Variants in OPRD1 observed in about 807,000 individuals in gnomAD.
The protein encoded by OPRD1 is delta-type opioid receptor.
In OPRD1, 19 loss-of-function variants were observed where a neutral mutation model predicts 17.5. That is an observed-to-expected ratio of 1.09 (90% CI 0.76 to 1.60). The LOEUF (loss-of-function observed/expected upper bound fraction) is 1.60, where lower values mean the gene tolerates loss of function less well. OPRD1 is among the 40% of genes most tolerant of loss of function. OPRD1 has a pLI of 0.00. For missense variants in OPRD1, 483 were observed against 547.2 expected, an observed-to-expected ratio of 0.88 and a Z score of 1.17; for synonymous variants, 256 against 240.9, an observed-to-expected ratio of 1.06 and a Z score of -0.58.
At chr1:28,816,758 A>G (rs2088674058) in intron 1 of OPRD1, among the ~76,000 whole-genome samples, 1 of 152,068 alleles carries the variant, frequency 6.6e-6, no homozygotes, top group Admixed American at 6.5e-5. Flanking sequence ...CTCAGAGCAG[A>G]CACCGGACAA....
chr1:28,813,279 G>A (rs1311881441), intron 1 of OPRD1, among the ~76,000 whole-genome samples: 1 of 152,198 alleles, frequency 6.6e-6, no homozygotes, highest in Non-Finnish European at 1.5e-5. Context: ...GTGTGCCTTT[G>A]CCAGTGATTC....
intron 1 of OPRD1, among the ~76,000 whole-genome samples, chr1:28,835,881 T>G (rs761649351): frequency 6.6e-6 from 1 of 152,336 alleles, no homozygotes; most frequent in East Asian, 1.9e-4. Flanking sequence ...TTCATCCCTC[T>G]GAGCCTCAAC....
rs143215548 is a variant in OPRD1, at chr1:28,851,727, C to A, written c.228-7227C>A. Among the ~76,000 whole-genome samples the A allele has an allele frequency of 5.1e-3, 770 of 151,994 alleles. 9 individuals carry two copies. Among genetic ancestry groups the A allele is most frequent in the African/African-American group, 0.017 (707 of 41,464 alleles). On this transcript the variant is annotated intron_variant, in intron 1 of 2. Coordinates refer to ENST00000234961, the MANE Select transcript of OPRD1 (RefSeq NM_000911.4). ...TCTCTACTAAAAATACAAAATTAGC[C>A]GGGCGTGGTGGCTCATGCCTGTAAT... is the stretch of plus-strand genomic sequence containing the variant.
At chr1:28,835,397 C>A (rs774794696) in intron 1 of OPRD1, among the ~76,000 whole-genome samples, 1 of 152,220 alleles carries the variant, frequency 6.6e-6, no homozygotes. Context: ...TTTCTCTGTT[C>A]CAGCCTTTAA....
chr1:28,825,823 G>A (rs1189328699), intron 1 of OPRD1, among the ~76,000 whole-genome samples: 1 of 152,262 alleles, frequency 6.6e-6, no homozygotes, highest in African/African-American at 2.4e-5. Context: ...GTGGACTAGG[G>A]TTCAAATCCA....
At position 28,865,779 on chromosome 1, in the gene OPRD1, G is replaced by A. The variant is rs539345149; in HGVS notation, c.*2496G>A. 66 of 152,264 alleles carry A rather than the reference G, an allele frequency of 4.3e-4. No individual in the cohort carries two copies. The highest frequency in any genetic ancestry group is 1.5e-3 in the African/African-American group (64 of 41,538). 9.4% of individuals were successfully genotyped at this position (152,264 alleles called of 1,614,324 possible). Reference sequence around the variant, plus strand: ...TGGCAGGAGACACTTCTCCTCATCAGGGGTCCTCCTGTGAATGCTTTGGGG... The same window carrying A: ...TGGCAGGAGACACTTCTCCTCATCAAGGGTCCTCCTGTGAATGCTTTGGGG... On this transcript the variant is annotated 3_prime_UTR_variant, in exon 3 of 3. Coordinates refer to ENST00000234961, the MANE Select transcript of OPRD1 (RefSeq NM_000911.4).
rs1180335319 is a variant in OPRD1, at chr1:28,863,384, G to A, written c.*101G>A. On this transcript the variant is annotated 3_prime_UTR_variant, in exon 3 of 3. Coordinates refer to ENST00000234961, the MANE Select transcript of OPRD1 (RefSeq NM_000911.4). Reference sequence around the variant, plus strand: ...CATGATGTGGAGTGGGGCAGTAGAAGGTCGGAGGCTTGGGACCGCCAGATG... The same window carrying A: ...CATGATGTGGAGTGGGGCAGTAGAAAGTCGGAGGCTTGGGACCGCCAGATG... 1 of 1,306,946 alleles carries A rather than the reference G, an allele frequency of 7.7e-7. No individual in the cohort carries two copies. Among genetic ancestry groups the A allele is most frequent in the African/African-American group, 1.6e-5 (1 of 63,764 alleles). The allele number at this position is 1,306,946 out of a possible 1,614,324, so 81.0% of individuals were successfully genotyped here.
intron 1 of OPRD1, among the ~76,000 whole-genome samples, chr1:28,849,845 G>A (rs936544712): frequency 4.6e-5 from 7 of 150,966 alleles, no homozygotes; most frequent in Non-Finnish European, 1.0e-4. Flanking sequence ...AGAAGAAAGG[G>A]CACTGGAAAA....
chr1:28,840,540 A>G (rs2088887345), intron 1 of OPRD1, among the ~76,000 whole-genome samples: 1 of 152,120 alleles, frequency 6.6e-6, no homozygotes, highest in African/African-American at 2.4e-5. Flanking sequence ...TGCTCAGCCT[A>G]TTTGCCACTC....
chr1:28,863,074 A>T lies in OPRD1; in HGVS notation c.910A>T (p.Ile304Phe). The T allele has an allele frequency of 6.2e-7, 1 of 1,607,496 alleles. No homozygotes were observed. The highest frequency in any genetic ancestry group is 1.7e-5 in the Admixed American group (1 of 59,406). Residue 304 changes from isoleucine to phenylalanine, a missense_variant, in exon 3 of 3, where the codon ATC (isoleucine) becomes TTC (phenylalanine). Physicochemically the swap from Ile to Phe is conservative, Grantham distance 21 (BLOSUM62 0). Transcript: ENST00000234961. The part of the protein sequence containing the change: ...PLVVAALHLC[I>F]ALGYANSSLN... Reference sequence around the variant, plus strand: ...GGTGGTGGCTGCGCTGCACCTGTGCATCGCGCTGGGCTACGCCAATAGCAG... The same window carrying T: ...GGTGGTGGCTGCGCTGCACCTGTGCTTCGCGCTGGGCTACGCCAATAGCAG...
chr1:28,846,988 A>C (rs1239038623), intron 1 of OPRD1, among the ~76,000 whole-genome samples: 7 of 105,016 alleles, frequency 6.7e-5, no homozygotes, highest in South Asian at 2.9e-4. Context: ...TCCTTTCTTT[A>C]CTTTCTTCCT....
Position 28,863,650 on chromosome 1 carries a change from C to G in OPRD1, c.*367C>G, listed in dbSNP as rs931511752. On this transcript the variant is annotated 3_prime_UTR_variant, in exon 3 of 3. Transcript: ENST00000234961. ...CGGGGCTTCAACCTTGAGACAGCTTCGGTTTCTAACTTGGAGCCGGACTTT... is the reference window on the plus strand; with the variant it reads ...CGGGGCTTCAACCTTGAGACAGCTTGGGTTTCTAACTTGGAGCCGGACTTT... 2 of 222,846 alleles carry G rather than the reference C, an allele frequency of 9.0e-6. No homozygotes were observed. Among genetic ancestry groups the G allele is most frequent in the African/African-American group, 2.3e-5 (1 of 43,942 alleles). The allele number at this position is 222,846 out of a possible 1,614,324, so 13.8% of individuals were successfully genotyped here. A position where few individuals can be genotyped will look rare whatever the true frequency, so the allele number is the denominator to read the frequency against.
At chr1:28,842,611 C>T (rs536472476) in intron 1 of OPRD1, among the ~76,000 whole-genome samples, 7 of 152,012 alleles carry the variant, frequency 4.6e-5, no homozygotes, top group East Asian at 1.9e-4. Flanking sequence ...GAAAGGAACA[C>T]GCATAGCCAC....
At chr1:28,858,170 G>A (rs1569653071) in intron 1 of OPRD1, among the ~76,000 whole-genome samples, 2 of 135,296 alleles carry the variant, frequency 1.5e-5, no homozygotes, top group South Asian at 2.3e-4. Context: ...CGGGAGTGCA[G>A]TGGCGCAATC....
At position 28,835,938 on chromosome 1, in the gene OPRD1, G is replaced by A. The variant is rs532996462; in HGVS notation, c.228-23016G>A. ...GAGAGCAGTGCTCACCTCCTGTGGC[G>A]GTTGTGCGGATTCAGTGGGTTATGG... is the stretch of plus-strand genomic sequence containing the variant. On this transcript the variant is annotated intron_variant, in intron 1 of 2. Transcript: ENST00000234961. Among the ~76,000 whole-genome samples the A allele has an allele frequency of 2.0e-5, 3 of 152,268 alleles. No individual in the cohort carries two copies. The East Asian group carries it at 5.8e-4, about 29-fold the overall frequency.
rs1387791585 is a variant in OPRD1 at position 28,858,031 on chromosome 1, G to A, written c.228-923G>A. Among the ~76,000 whole-genome samples the A allele has an allele frequency of 5.9e-5, 9 of 151,710 alleles. No individual in the cohort carries two copies. The East Asian group carries it at 9.8e-4, about 16-fold the overall frequency. On this transcript the variant is annotated intron_variant, in intron 1 of 2. Transcript: ENST00000234961. ...AGGATGGTCTCAATCTCTGGACCTCGTGATCCGCCCACCTCGGCCTCCCAA... is the reference window on the plus strand; with the variant it reads ...AGGATGGTCTCAATCTCTGGACCTCATGATCCGCCCACCTCGGCCTCCCAA...
Position 28,863,142 on chromosome 1 carries a change from G to A in OPRD1, c.978G>A (p.Lys326=), listed in dbSNP as rs902424477. 3 of 1,608,186 alleles carry A rather than the reference G, an allele frequency of 1.9e-6. No individual in the cohort carries two copies. The highest frequency in any genetic ancestry group is 2.2e-5 in the East Asian group (1 of 44,738). The change falls in exon 3 of 3, where the codon AAG becomes AAA. Residue 326 remains lysine (K), a synonymous_variant. Transcript: ENST00000234961. ...ACGCTTTCCTCGACGAGAACTTCAA[G>A]CGCTGCTTCCGCCAGCTCTGCCGCA... The part of the protein sequence containing the change: ...VLYAFLDENF[K]RCFRQLCRKP...
At chr1:28,852,084 A>G (rs1355478666) in intron 1 of OPRD1, among the ~76,000 whole-genome samples, 2 of 147,638 alleles carry the variant, frequency 1.4e-5, no homozygotes, top group Non-Finnish European at 3.0e-5. Flanking sequence ...GGAGAATGGC[A>G]TGAACCTGGG....
At chr1:28,816,971 C>T (rs1005954391) in intron 1 of OPRD1, among the ~76,000 whole-genome samples, 1 of 152,126 alleles carries the variant, frequency 6.6e-6, no homozygotes, top group South Asian at 2.1e-4. Flanking sequence ...GCTTTCCTAC[C>T]TGGCCTCCTG....
Sources: gnomAD v4.1 joint callset for allele counts (sites outside exome capture counted in the v4.1 genomes callset) on GRCh38, gnomAD v4.1.1 for gene constraint, MANE v1.5 for transcripts, NCBI Gene and HGNC (gene_info 2026-07-23, HGNC 2026-07-21) for gene names.